TCF12: variants seen among roughly 807,000 people sequenced by gnomAD.
TCF12 encodes the protein DNA-binding protein HTF4.
TCF12 carries 45 observed loss-of-function variants against 86.0 expected under a neutral mutation model. That is an observed-to-expected ratio of 0.52 (90% CI 0.41 to 0.67). TCF12 has a LOEUF of 0.67. Ranked by LOEUF, TCF12 falls within the 30% of genes least tolerant of loss-of-function variation. The pLI, the probability that TCF12 is intolerant of heterozygous loss-of-function variation, is 0.00. For missense variants in TCF12, 881 were observed against 859.9 expected (o/e 1.02, Z -0.31); for synonymous variants, 330 against 299.6 (o/e 1.10, Z -1.05).
chr15:57,098,009 C>CAAA (rs72046243), intron 5 of TCF12, among the ~76,000 whole-genome samples: 1 of 48,410 alleles, frequency 2.1e-5, no homozygotes, highest in African/African-American at 9.4e-5. Context: ...TACAAAAATA[C>CAAA]AAAAAAAAAA....
At chr15:57,261,059 A>G (rs979285703) in intron 16 of TCF12, among the ~76,000 whole-genome samples, 1 of 152,160 alleles carries the variant, frequency 6.6e-6, no homozygotes, top group Non-Finnish European at 1.5e-5. Context: ...TTGTGATTCT[A>G]ATACATCGTG....
chr15:56,959,188 A>G (rs2061634144), intron 3 of TCF12, among the ~76,000 whole-genome samples: 1 of 152,196 alleles, frequency 6.6e-6, no homozygotes. Flanking sequence ...AAATATTAAT[A>G]CTTGTTTATT....
intron 3 of TCF12, among the ~76,000 whole-genome samples, chr15:56,998,174 G>C (rs533158875): frequency 1.3e-5 from 2 of 152,256 alleles, no homozygotes; most frequent in East Asian, 3.9e-4. Context: ...GCTTGAAGGT[G>C]GTCTGGGCGT....
intron 4 of TCF12, among the ~76,000 whole-genome samples, chr15:57,075,446 C>T (rs1290273609): frequency 6.6e-6 from 1 of 152,052 alleles, no homozygotes; most frequent in African/African-American, 2.4e-5. Flanking sequence ...TTCCTTGTCA[C>T]TGAAATTAGT....
intron 3 of TCF12, among the ~76,000 whole-genome samples, chr15:56,991,351 A>G (rs1407337856): frequency 1.3e-5 from 2 of 152,206 alleles, no homozygotes; most frequent in Non-Finnish European, 2.9e-5. Context: ...ACATTGGACA[A>G]GATAAAATGG....
intron 3 of TCF12, among the ~76,000 whole-genome samples, chr15:57,032,988 A>G (rs1002026755): frequency 6.6e-6 from 1 of 152,098 alleles, no homozygotes; most frequent in African/African-American, 2.4e-5. Context: ...AAGAAGTAAA[A>G]GGTAAAGAGG....
chr15:57,229,593 T>C (rs756658513), intron 8 of TCF12, among the ~76,000 whole-genome samples: 1 of 151,834 alleles, frequency 6.6e-6, no homozygotes, highest in Non-Finnish European at 1.5e-5. Flanking sequence ...TAGAATAAAC[T>C]GTATATATAA....
intron 5 of TCF12, among the ~76,000 whole-genome samples, chr15:57,140,673 C>A (rs984598112): frequency 6.6e-6 from 1 of 152,098 alleles, no homozygotes; most frequent in Non-Finnish European, 1.5e-5. Flanking sequence ...GTGGGCTAAG[C>A]CTTTGTGTAT....
intron 15 of TCF12, among the ~76,000 whole-genome samples, chr15:57,252,927 C>CTTTTTTTTTTTTTT (rs57946842): frequency 4.5e-5 from 4 of 89,776 alleles, no homozygotes; most frequent in South Asian, 4.1e-4. Flanking sequence ...ATAGGTTGTA[C>CTTTTTTTTTTTTTT]TTTTTTTTTT....
At chr15:57,239,610 A>C (rs1205988571) in intron 12 of TCF12, among the ~76,000 whole-genome samples, 1 of 152,086 alleles carries the variant, frequency 6.6e-6, no homozygotes, top group East Asian at 1.9e-4. Context: ...TAAACACTTA[A>C]GTAGTCCAGC....
At chr15:57,260,923 G>A (rs1272257222) in intron 16 of TCF12, among the ~76,000 whole-genome samples, 5 of 152,140 alleles carry the variant, frequency 3.3e-5, no homozygotes, top group Admixed American at 2.0e-4. Context: ...CTGATTGTTA[G>A]GTTGAGTACT....
intron 3 of TCF12, among the ~76,000 whole-genome samples, chr15:56,946,801 T>C (rs1473064053): frequency 6.8e-6 from 1 of 146,784 alleles, no homozygotes; most frequent in Admixed American, 6.8e-5. Flanking sequence ...AAAGTACCTT[T>C]TTTTTTTTTT....
intron 5 of TCF12, among the ~76,000 whole-genome samples, chr15:57,152,465 G>A (rs1242166468): frequency 6.6e-6 from 1 of 152,026 alleles, no homozygotes; most frequent in African/African-American, 2.4e-5. Flanking sequence ...GGATCTAGTG[G>A]GAAACATAGC....
intron 3 of TCF12, among the ~76,000 whole-genome samples, chr15:57,025,279 C>A (rs2065754704): frequency 6.6e-6 from 1 of 152,076 alleles, no homozygotes; most frequent in South Asian, 2.1e-4. Context: ...GAGGTTTCAC[C>A]ATGTTGGCCA....
intron 3 of TCF12, among the ~76,000 whole-genome samples, chr15:57,009,125 T>A (rs1240736974): frequency 1.3e-5 from 2 of 152,192 alleles, no homozygotes; most frequent in African/African-American, 4.8e-5. Context: ...TGTTGTTGTT[T>A]TGAGAGAGGG....
intron 3 of TCF12, among the ~76,000 whole-genome samples, chr15:57,048,008 A>G (rs2067348052): frequency 6.6e-6 from 1 of 152,228 alleles, no homozygotes; most frequent in Non-Finnish European, 1.5e-5. Flanking sequence ...AAGGTACAAT[A>G]AAAATACAGT....
chr15:57,104,381 T>G (rs1207916111), intron 5 of TCF12, among the ~76,000 whole-genome samples: 1 of 152,038 alleles, frequency 6.6e-6, no homozygotes, highest in African/African-American at 2.4e-5. Context: ...ACTAAGCACG[T>G]TGATTCTTCA....
At chr15:57,180,809 T>C (rs1282034998) in intron 6 of TCF12, among the ~76,000 whole-genome samples, 7 of 39,760 alleles carry the variant, frequency 1.8e-4, no homozygotes, top group African/African-American at 4.4e-4. Flanking sequence ...GCTAATAATT[T>C]TTTTTTTTTT....
In TCF12 at chr15:57,257,089, C is replaced by T. The variant is rs139414363; in HGVS notation, c.1467+3621C>T. Among the ~76,000 whole-genome samples, 698 of 152,240 alleles carry T rather than the reference C, an allele frequency of 4.6e-3. 5 individuals carry two copies. The highest frequency in any genetic ancestry group is 0.016 in the African/African-American group (673 of 41,538). Reference sequence around the variant, plus strand: ...TAGATAATATGAAAACAGATGGGCACGGCTGTATTCCAATAAAACTTTATT... The same window carrying T: ...TAGATAATATGAAAACAGATGGGCATGGCTGTATTCCAATAAAACTTTATT... On this transcript the variant is annotated intron_variant, in intron 16 of 20. Transcript: ENST00000333725.
Sources: gnomAD v4.1 joint callset for allele counts (sites outside exome capture counted in the v4.1 genomes callset) on GRCh38, gnomAD v4.1.1 for gene constraint, MANE v1.5 for transcripts, NCBI Gene and HGNC (gene_info 2026-07-23, HGNC 2026-07-21) for gene names.